PRR5: variants seen among roughly 807,000 people sequenced by gnomAD.
The protein encoded by PRR5 is proline rich 5.
In PRR5, 25 loss-of-function variants were observed where a neutral mutation model predicts 30.6. The ratio of observed to expected loss-of-function variants is 0.82; its 90% confidence interval spans 0.60 to 1.14. PRR5 has a LOEUF of 1.14. Among genes scored for constraint, PRR5 ranks in the 50% most tolerant of loss-of-function variants. The pLI is 0.00. For missense variants in PRR5, 600 were observed against 547.1 expected (o/e 1.10, Z -0.96); for synonymous variants, 286 against 247.1 (o/e 1.16, Z -1.48).
intron 3 of PRR5, 95 bp downstream of exon 3, chr22:44,725,387 CT>C: frequency 1.3e-6 from 2 of 1,540,612 alleles, no homozygotes; most frequent in Non-Finnish European, 1.8e-6. Context: ...GGAGCGCCGG[CT>C]CCCCCACTGT....
At chr22:44,674,639 T>G (rs1263551458), upstream of PRR5, among the ~76,000 whole-genome samples, 1 of 151,402 alleles carries the variant, frequency 6.6e-6, no homozygotes, top group Non-Finnish European at 1.5e-5. Flanking sequence ...GAGAATGGCG[T>G]GAACCCGGGA....
chr22:44,688,858 C>T (rs182974035), intron 1 of PRR5, among the ~76,000 whole-genome samples: 39 of 152,168 alleles, frequency 2.6e-4, no homozygotes, highest in African/African-American at 9.2e-4. Flanking sequence ...CATGGTGGTG[C>T]ACGCCTGTGA....
intron 4 of PRR5, chr22:44,731,301 C>G (rs961409528): frequency 5.0e-5 from 14 of 278,756 alleles, no homozygotes; most frequent in African/African-American, 2.8e-4. Context: ...CTGTGCGGGT[C>G]TCACCTGTGT....
At chr22:44,726,453 G>T (rs1207484066) in intron 3 of PRR5, 124 bp from the exon 4 acceptor site, 8 of 1,413,000 alleles carry the variant, frequency 5.7e-6, no homozygotes, top group African/African-American at 2.8e-5. Flanking sequence ...TGGGACCTCA[G>T]TGAGTCTCCT....
intron 1 of PRR5, among the ~76,000 whole-genome samples, chr22:44,689,027 G>A (rs17528831): frequency 0.14 from 21,784 of 151,996 alleles, 1,936 homozygotes; most frequent in South Asian, 0.24. Context: ...ATATTATCAT[G>A]CTGGCCCCTG....
At chr22:44,692,169 T>TCCCGGGGCTCCTCCA (rs1235948717) in intron 1 of PRR5, among the ~76,000 whole-genome samples, 7 of 150,828 alleles carry the variant, frequency 4.6e-5, no homozygotes, top group Admixed American at 1.3e-4. Flanking sequence ...CTCCTCCTCC[T>TCCCGGGGCTCCTCCA]CCCGGGGCTC....
chr22:44,713,563 A>G (rs1274409256), intron 1 of PRR5, among the ~76,000 whole-genome samples: 1 of 151,986 alleles, frequency 6.6e-6, no homozygotes, highest in Non-Finnish European at 1.5e-5. Context: ...GCAGGGTCTC[A>G]CTATGTTGCC....
intron 4 of PRR5, among the ~76,000 whole-genome samples, chr22:44,727,519 C>G (rs1000706685): frequency 8.5e-5 from 13 of 152,230 alleles, no homozygotes; most frequent in African/African-American, 3.1e-4. Context: ...TTTCCACAAC[C>G]CTGTGAAGAA....
At chr22:44,670,343 G>A (rs979571959) in intron 1 of PRR5, among the ~76,000 whole-genome samples, 3 of 152,304 alleles carry the variant, frequency 2.0e-5, no homozygotes, top group Admixed American at 6.5e-5. Context: ...ATCGTGGGGC[G>A]GGGATTGCTG....
intron 1 of PRR5, among the ~76,000 whole-genome samples, chr22:44,681,261 C>G (rs1924257286): frequency 6.6e-6 from 1 of 152,062 alleles, no homozygotes; most frequent in Non-Finnish European, 1.5e-5. Flanking sequence ...TTCCTGGGAA[C>G]TCTGGGAAGT....
Position 44,732,236 on chromosome 22 carries a change from G to A in PRR5, c.415-15G>A, listed in dbSNP as rs1267422535. The A allele has an allele frequency of 1.9e-6, 3 of 1,609,134 alleles. No homozygotes were observed. The highest frequency in any genetic ancestry group is 1.7e-5 in the Admixed American group (1 of 59,962). On this transcript the variant is annotated splice_polypyrimidine_tract_variant and intron_variant, in intron 5 of 7. Coordinates refer to ENST00000336985, the MANE Select transcript of PRR5 (RefSeq NM_181333.4). ...GTGACCACAGCCGGTGGGGTGGGGT[G>A]CCTTCCGTCCACAGGGCAAGGAGCC...
chr22:44,724,344 G>T (rs1930364073), intron 2 of PRR5, among the ~76,000 whole-genome samples: 1 of 152,134 alleles, frequency 6.6e-6, no homozygotes, highest in Admixed American at 6.5e-5. Flanking sequence ...GCTGAGGCAG[G>T]AGAATCGCTT....
At chr22:44,679,084 C>G (rs1259976902) in intron 1 of PRR5, among the ~76,000 whole-genome samples, 1 of 152,114 alleles carries the variant, frequency 6.6e-6, no homozygotes, top group Non-Finnish European at 1.5e-5. Context: ...CCCCTTGTAG[C>G]TGAGTGACCC....
At chr22:44,681,502 C>G (rs566759426) in intron 1 of PRR5, among the ~76,000 whole-genome samples, 176 of 151,698 alleles carry the variant, frequency 1.2e-3, no homozygotes, top group African/African-American at 4.1e-3. Flanking sequence ...GCGGGAGAAT[C>G]GCTTGAAACC....
At chr22:44,701,301 C>G (rs1401900639), upstream of PRR5, among the ~76,000 whole-genome samples, 3 of 152,190 alleles carry the variant, frequency 2.0e-5, no homozygotes, top group African/African-American at 7.2e-5. Flanking sequence ...GGGCCCTGTT[C>G]AAGGGGCTGG....
At chr22:44,679,661 G>A in intron 1 of PRR5, 3 of 724,592 alleles carry the variant, frequency 4.1e-6, no homozygotes, top group East Asian at 2.9e-5. Flanking sequence ...AGCCGAGATC[G>A]CCCCATTGCA....
At chr22:44,689,900 C>T (rs1203885088) in intron 1 of PRR5, among the ~76,000 whole-genome samples, 1 of 152,218 alleles carries the variant, frequency 6.6e-6, no homozygotes, top group Non-Finnish European at 1.5e-5. Context: ...CTGCCCGCCT[C>T]GGCTTCCCAA....
At chr22:44,721,351 C>G (rs1168840662) in intron 2 of PRR5, among the ~76,000 whole-genome samples, 1 of 152,068 alleles carries the variant, frequency 6.6e-6, no homozygotes, top group Non-Finnish European at 1.5e-5. Context: ...AAGTAGTGGC[C>G]CGCAATCAGT....
chr22:44,714,971 G>C (rs1077164), intron 2 of PRR5, among the ~76,000 whole-genome samples: 1 of 152,196 alleles, frequency 6.6e-6, no homozygotes, highest in East Asian at 1.9e-4. Flanking sequence ...TTGGACAGCC[G>C]CTGGAGATGA....
Sources: gnomAD v4.1 joint callset for allele counts (sites outside exome capture counted in the v4.1 genomes callset) on GRCh38, gnomAD v4.1.1 for gene constraint, MANE v1.5 for transcripts, NCBI Gene and HGNC (gene_info 2026-07-23, HGNC 2026-07-21) for gene names.